PCSK5: variants seen among roughly 807,000 people sequenced by gnomAD.
PCSK5 encodes prohormone convertase 5.
Under a neutral mutation model 233.2 loss-of-function variants are expected in PCSK5, and 129 were observed. That is an observed-to-expected ratio of 0.55 (90% CI 0.48 to 0.64). The LOEUF (loss-of-function observed/expected upper bound fraction) is 0.64, where lower values mean the gene tolerates loss of function less well. PCSK5 is among the 30% of genes least tolerant of loss of function. The pLI, the probability that PCSK5 is intolerant of heterozygous loss-of-function variation, is 0.00. For synonymous variants in PCSK5, 825 were observed against 879.2 expected (o/e 0.94, Z 1.09); for missense variants, 2,076 against 2,430.1 (o/e 0.85, Z 3.06).
intron 5 of PCSK5, among the ~76,000 whole-genome samples, chr9:76,028,834 T>G (rs62558819): frequency 0.076 from 11,641 of 152,202 alleles, 460 homozygotes; most frequent in South Asian, 0.096. Context: ...GAGCTGAATT[T>G]CTTCCCAAAT....
intron 24 of PCSK5, among the ~76,000 whole-genome samples, chr9:76,249,211 G>A (rs1826718852): frequency 6.6e-6 from 1 of 152,270 alleles, no homozygotes; most frequent in South Asian, 2.1e-4. Context: ...TAGAGGTTGA[G>A]GATGCTACTA....
At chr9:76,268,333 C>A (rs1345709005) in intron 24 of PCSK5, among the ~76,000 whole-genome samples, 1 of 152,140 alleles carries the variant, frequency 6.6e-6, no homozygotes, top group African/African-American at 2.4e-5. Context: ...TTTCTCTATA[C>A]CTGAATCATA....
At chr9:76,229,670 A>AAAT (rs1259606989) in intron 21 of PCSK5, among the ~76,000 whole-genome samples, 2 of 152,246 alleles carry the variant, frequency 1.3e-5, no homozygotes, top group Non-Finnish European at 2.9e-5. Flanking sequence ...TGCTGTTTTA[A>AAAT]TGGCTTTAAT....
intron 3 of PCSK5, among the ~76,000 whole-genome samples, chr9:76,002,972 G>A (rs1345950262): frequency 2.0e-5 from 3 of 152,110 alleles, no homozygotes; most frequent in African/African-American, 7.2e-5. Flanking sequence ...AATTCTCGTG[G>A]GTACACACTT....
chr9:76,083,230 A>G (rs1042374569), intron 7 of PCSK5, among the ~76,000 whole-genome samples: 5 of 150,824 alleles, frequency 3.3e-5, no homozygotes, highest in African/African-American at 1.2e-4. Flanking sequence ...AAAAAAAAGA[A>G]GAAGTATTTC....
intron 9 of PCSK5, among the ~76,000 whole-genome samples, chr9:76,122,472 TAAAC>T (rs1247574930): frequency 2.0e-5 from 3 of 152,224 alleles, no homozygotes; most frequent in Non-Finnish European, 4.4e-5. Context: ...TGTTAAGTGT[TAAAC>T]AAACTTTGTC....
intron 12 of PCSK5, among the ~76,000 whole-genome samples, chr9:76,162,472 T>G: frequency 6.6e-6 from 1 of 151,370 alleles, no homozygotes; most frequent in South Asian, 2.1e-4. Context: ...GGAGAGGAGG[T>G]GAAGCAAAGG....
At chr9:75,910,483 T>C (rs1189738670) in intron 1 of PCSK5, among the ~76,000 whole-genome samples, 1 of 152,222 alleles carries the variant, frequency 6.6e-6, no homozygotes, top group Admixed American at 6.5e-5. Flanking sequence ...GTCCTCACAT[T>C]ATTTATTGAC....
At position 76,295,374 on chromosome 9, in the gene PCSK5, T is replaced by G. The variant is rs781126885; in HGVS notation, c.3285T>G (p.Asn1095Lys). The G allele has an allele frequency of 3.7e-6, 6 of 1,612,182 alleles. No individual in the cohort carries two copies. Among genetic ancestry groups the G allele is most frequent in the Middle Eastern group, 1.6e-4 (1 of 6,062 alleles). The change falls in exon 26 of 38, where the codon AAT becomes AAG. Residue 1095 changes from asparagine to lysine, a missense_variant. Asn to Lys is a moderately conservative substitution (Grantham distance 94). This residue lies in a region of PCSK5 where 1,510 missense variants were observed against 1,538.1 expected (regional missense o/e 0.98). Coordinates refer to ENST00000674117, the MANE Select transcript of PCSK5 (RefSeq NM_001372043.1). Reference protein sequence around the residue: ...CDSNCGSCDQNGCYWCEEGFF... With the variant: ...CDSNCGSCDQKGCYWCEEGFF... ...GTAACTGTGGCAGCTGTGACCAGAATGGGTGTTACTGGTGTGAAGAGGGCT... is the reference window on the plus strand; with the variant it reads ...GTAACTGTGGCAGCTGTGACCAGAAGGGGTGTTACTGGTGTGAAGAGGGCT...
chr9:76,362,536 C>T lies in PCSK5; in HGVS notation c.*3614C>T, dbSNP rs1830445733. Among the ~76,000 whole-genome samples, 1 of 152,158 alleles carries T rather than the reference C, an allele frequency of 6.6e-6. No individual in the cohort carries two copies. Among genetic ancestry groups the T allele is most frequent in the African/African-American group, 2.4e-5 (1 of 41,436 alleles). On this transcript the variant is annotated 3_prime_UTR_variant, in exon 38 of 38. Transcript: ENST00000674117. ...AAATCAGCTCAATCTGTCTTTCTGCCTCATCAGCACTGCCTCAATCTAAGG... is the reference window on the plus strand; with the variant it reads ...AAATCAGCTCAATCTGTCTTTCTGCTTCATCAGCACTGCCTCAATCTAAGG...
chr9:76,014,635 AC>A (rs893984465), intron 3 of PCSK5, among the ~76,000 whole-genome samples: 2 of 152,114 alleles, frequency 1.3e-5, no homozygotes, highest in Non-Finnish European at 2.9e-5. Flanking sequence ...GAAATTTCCC[AC>A]CGGACCTATA....
chr9:76,227,754 TG>T, intron 21 of PCSK5, 149 bp downstream of exon 21: 1 of 632,266 alleles, frequency 1.6e-6, no homozygotes, highest in Non-Finnish European at 2.8e-6. Context: ...CTCCTTGGTC[TG>T]GGCACAGCCC....
At chr9:76,301,593 A>G (rs937128027) in intron 27 of PCSK5, among the ~76,000 whole-genome samples, 1 of 152,250 alleles carries the variant, frequency 6.6e-6, no homozygotes, top group African/African-American at 2.4e-5. Flanking sequence ...CTGTAATCCC[A>G]GCACTTTGGG....
chr9:76,163,234 A>C (rs1176609640), intron 12 of PCSK5, among the ~76,000 whole-genome samples: 1 of 152,206 alleles, frequency 6.6e-6, no homozygotes, highest in Non-Finnish European at 1.5e-5. Context: ...GAATTCCTTG[A>C]AAGTCTGTTT....
intron 9 of PCSK5, among the ~76,000 whole-genome samples, chr9:76,112,747 T>C (rs963757912): frequency 6.6e-6 from 1 of 152,066 alleles, no homozygotes; most frequent in Non-Finnish European, 1.5e-5. Context: ...TTTCAGGGGA[T>C]TTTATATTCT....
At chr9:75,957,027 T>C (rs926403120) in intron 2 of PCSK5, among the ~76,000 whole-genome samples, 2 of 152,146 alleles carry the variant, frequency 1.3e-5, no homozygotes, top group Non-Finnish European at 2.9e-5. Flanking sequence ...GGAAAATTCA[T>C]AGAAGAGCCT....
chr9:76,343,001 T>C (rs1263094795), intron 35 of PCSK5, among the ~76,000 whole-genome samples: 1 of 152,194 alleles, frequency 6.6e-6, no homozygotes, highest in Non-Finnish European at 1.5e-5. Context: ...ATTCATTGTC[T>C]GAATTGTTTA....
intron 5 of PCSK5, among the ~76,000 whole-genome samples, chr9:76,038,856 G>A (rs1481012130): frequency 1.3e-5 from 2 of 152,170 alleles, no homozygotes; most frequent in East Asian, 3.9e-4. Flanking sequence ...TTTTTCCAAT[G>A]CGGAGATGCC....
At chr9:76,293,835 A>C (rs919046354) in intron 25 of PCSK5, among the ~76,000 whole-genome samples, 4 of 152,278 alleles carry the variant, frequency 2.6e-5, no homozygotes, top group Admixed American at 2.0e-4. Flanking sequence ...TATTTATTTC[A>C]AGAAACAAAC....
Sources: gnomAD v4.1 joint callset for allele counts (sites outside exome capture counted in the v4.1 genomes callset) on GRCh38, gnomAD v4.1.1 for gene constraint, gnomAD v4.1.1 regional missense constraint, MANE v1.5 for transcripts, NCBI Gene and HGNC (gene_info 2026-07-23, HGNC 2026-07-21) for gene names.